Variants in GAS2 observed in about 807,000 individuals in gnomAD.
GAS2 encodes the protein growth arrest specific 2, also known as growth arrest-specific protein 2.
A neutral mutation model predicts 37.5 loss-of-function variants in GAS2; 20 were observed. The ratio of observed to expected loss-of-function variants is 0.53; its 90% CI spans 0.37 to 0.77. The LOEUF (loss-of-function observed/expected upper bound fraction) is 0.77, where lower values mean the gene tolerates loss of function less well. Among genes scored for constraint, GAS2 ranks in the 30% least tolerant of loss-of-function variants. The probability of loss-of-function intolerance (pLI) is 0.00; values close to 1 mark genes in which losing one functional copy is unlikely to be tolerated. For synonymous variants in GAS2, 144 were observed against 132.2 expected, an observed-to-expected ratio of 1.09 and a Z score of -0.61; for missense variants, 336 against 373.4, an observed-to-expected ratio of 0.90 and a Z score of 0.82.
At chr11:22,810,326 T>G (rs1857092302) in intron 7 of GAS2, among the ~76,000 whole-genome samples, 1 of 139,428 alleles carries the variant, frequency 7.2e-6, no homozygotes, top group Admixed American at 7.4e-5. Context: ...GATGCGGTGT[T>G]CTGGTAAGTT....
At chr11:22,791,825 A>G (rs553466766) in intron 7 of GAS2, among the ~76,000 whole-genome samples, 20 of 152,346 alleles carry the variant, frequency 1.3e-4, no homozygotes, top group African/African-American at 4.6e-4. Flanking sequence ...GGTTCTGTAT[A>G]TGAGGCCCTT....
chr11:22,744,851 A>T (rs928722752), intron 5 of GAS2, among the ~76,000 whole-genome samples: 2 of 152,144 alleles, frequency 1.3e-5, no homozygotes, highest in African/African-American at 2.4e-5. Context: ...TCCAAATAGG[A>T]AAAGAAGAAG....
intron 6 of GAS2, 35 bp from the exon 7 acceptor site, chr11:22,755,811 T>G: frequency 6.7e-7 from 1 of 1,502,896 alleles, no homozygotes; most frequent in Non-Finnish European, 9.3e-7. Context: ...GCAGCCTAAT[T>G]AAGACAAATG....
At chr11:22,743,876 A>C (rs1264658002) in intron 5 of GAS2, among the ~76,000 whole-genome samples, 1 of 152,172 alleles carries the variant, frequency 6.6e-6, no homozygotes, top group Non-Finnish European at 1.5e-5. Flanking sequence ...TTGAAAGGAT[A>C]CCAAGATTGA....
At chr11:22,708,081 T>G (rs149960349) in intron 3 of GAS2, among the ~76,000 whole-genome samples, 2 of 152,014 alleles carry the variant, frequency 1.3e-5, no homozygotes. Flanking sequence ...ATGAGCTAGA[T>G]TGATGATTTA....
chr11:22,711,329 A>C lies in GAS2; in HGVS notation c.268-14963A>C, dbSNP rs147227179. ...GTCCCATAGGCACTTCCAGTCTTCA[A>C]GTGAAGTCCAGGGAAGCCATTTCTG... On this transcript the variant is annotated intron_variant, in intron 3 of 7. Coordinates refer to ENST00000454584, the MANE Select transcript of GAS2 (RefSeq NM_001143830.3). 2.3e-4 allele frequency among the ~76,000 whole-genome samples: 35 copies of C among 152,324 alleles called. No homozygotes were observed. In the East Asian group the frequency reaches 6.8e-3, roughly 29 times the overall value.
chr11:22,678,845 T>A (rs431127), intron 2 of GAS2, among the ~76,000 whole-genome samples: 55,878 of 151,764 alleles, frequency 0.37, 11,285 homozygotes, highest in African/African-American at 0.55. Context: ...CATATAACAT[T>A]TGTATGTATT....
chr11:22,643,218 A>G (rs570999815), intron 1 of GAS2, among the ~76,000 whole-genome samples: 62 of 152,272 alleles, frequency 4.1e-4, no homozygotes, highest in East Asian at 3.7e-3. Context: ...TCTTGAATTC[A>G]TGAGAGATGA....
chr11:22,809,395 G>T (rs1043439705), intron 7 of GAS2, among the ~76,000 whole-genome samples: 4 of 152,088 alleles, frequency 2.6e-5, no homozygotes, highest in Non-Finnish European at 4.4e-5. Context: ...CTTGCCTAAA[G>T]GTCAGTTTGC....
intron 3 of GAS2, among the ~76,000 whole-genome samples, chr11:22,686,776 A>G (rs1038452925): frequency 5.9e-5 from 9 of 151,884 alleles, no homozygotes; most frequent in African/African-American, 2.2e-4. Context: ...AAAATGTTGA[A>G]GACAATTTAA....
At chr11:22,663,954 G>T (rs926092582), upstream of GAS2, among the ~76,000 whole-genome samples, 3 of 151,928 alleles carry the variant, frequency 2.0e-5, no homozygotes, top group African/African-American at 7.2e-5. Context: ...GAGGAAGTAT[G>T]TCAACAAAAT....
At chr11:22,706,998 T>C (rs894051364) in intron 3 of GAS2, among the ~76,000 whole-genome samples, 20 of 152,136 alleles carry the variant, frequency 1.3e-4, no homozygotes, top group African/African-American at 4.8e-4. Flanking sequence ...CAGCACCTGT[T>C]GTTTCCTGAC....
intron 3 of GAS2, among the ~76,000 whole-genome samples, chr11:22,703,474 A>G (rs539972178): frequency 6.6e-6 from 1 of 152,334 alleles, no homozygotes; most frequent in Admixed American, 6.5e-5. Flanking sequence ...TCGTTGGAAC[A>G]AATCAATAAT....
intron 1 of GAS2, chr11:22,626,102 C>T (rs1590543237): frequency 6.2e-6 from 3 of 487,594 alleles, no homozygotes; most frequent in East Asian, 3.7e-5. Context: ...TGAACGTCTC[C>T]GCGCTTCCTT....
chr11:22,799,072 G>T (rs893124854), intron 7 of GAS2, among the ~76,000 whole-genome samples: 4 of 152,106 alleles, frequency 2.6e-5, no homozygotes, highest in African/African-American at 9.7e-5. Context: ...ACAGGAAGGT[G>T]TTGGGAAGCA....
chr11:22,697,795 G>A (rs1348395256), intron 3 of GAS2, among the ~76,000 whole-genome samples: 2 of 152,130 alleles, frequency 1.3e-5, no homozygotes, highest in African/African-American at 4.8e-5. Flanking sequence ...CATTGATTTT[G>A]TATCCTGAGA....
intron 2 of GAS2, among the ~76,000 whole-genome samples, chr11:22,677,511 G>A (rs1051749766): frequency 6.6e-6 from 1 of 152,190 alleles, no homozygotes; most frequent in African/African-American, 2.4e-5. Flanking sequence ...CAGAGGAAGA[G>A]TATGATTAAT....
intron 2 of GAS2, among the ~76,000 whole-genome samples, chr11:22,679,385 AC>A (rs1326732753): frequency 1.3e-5 from 2 of 152,086 alleles, no homozygotes; most frequent in African/African-American, 4.8e-5. Context: ...TTGTTATTTA[AC>A]TATGCCCTTA....
chr11:22,756,213 G>C (rs1854032920), intron 7 of GAS2, among the ~76,000 whole-genome samples: 1 of 151,962 alleles, frequency 6.6e-6, no homozygotes, highest in Admixed American at 6.6e-5. Flanking sequence ...CTTTCCACTT[G>C]TGTTATGTTT....
Sources: allele counts gnomAD v4.1 joint callset (sites outside exome capture counted in the v4.1 genomes callset), GRCh38; gene constraint gnomAD v4.1.1; transcripts MANE v1.5; gene names NCBI Gene and HGNC (gene_info 2026-07-23, HGNC 2026-07-21).